The following NKIRAS2 variants were observed in gnomAD, a reference collection of about 807,000 sequenced individuals.
NKIRAS2 encodes NFKB inhibitor interacting Ras like 2.
Under a neutral mutation model 20.7 loss-of-function variants are expected in NKIRAS2, and 15 were observed. The ratio of observed to expected loss-of-function variants is 0.73; its 90% CI spans 0.49 to 1.12. The LOEUF is 1.12. Ranked by LOEUF, NKIRAS2 falls within the 50% of genes most tolerant of loss-of-function variation. NKIRAS2 has a pLI of 0.00. For synonymous variants in NKIRAS2, 116 were observed against 101.4 expected (o/e 1.14, Z -0.87); for missense variants, 196 against 249.6 (o/e 0.79, Z 1.45).
intron 3 of NKIRAS2, chr17:42,023,005 G>A: frequency 3.5e-6 from 1 of 288,988 alleles, no homozygotes; most frequent in South Asian, 3.0e-5. Flanking sequence ...TTGTTTGTTT[G>A]TTTGTTTGTT....
Position 42,023,787 on chromosome 17 carries a change from T to G in NKIRAS2, c.470T>G (p.Leu157Arg), listed in dbSNP as rs782344060. The change falls in exon 4 of 4, where the codon CTC (leucine) becomes CGC (arginine). Residue 157 changes from leucine to arginine, a missense_variant. Transcript: ENST00000393885. ...GTGTCAGTGGCGGACCGGCGCTCCC[T>G]CCTGGAGCCCTTTGTCTACTTGGCC... ...WEVSVADRRS[L>R]LEPFVYLASK... 4.3e-6 allele frequency: 7 copies of G among 1,614,158 alleles called. No individual in the cohort carries two copies. Among genetic ancestry groups the G allele is most frequent in the Non-Finnish European group, 5.9e-6 (7 of 1,180,026 alleles).
upstream of NKIRAS2, among the ~76,000 whole-genome samples, chr17:42,019,479 T>C (rs563969258): frequency 6.6e-6 from 1 of 152,290 alleles, no homozygotes; most frequent in South Asian, 2.1e-4. Flanking sequence ...ACACAAAGCC[T>C]TTGATTATCT....
chr17:42,025,228 C>T lies in NKIRAS2; in HGVS notation c.*1335C>T, dbSNP rs894234022. On this transcript the variant is annotated 3_prime_UTR_variant, in exon 4 of 4. Transcript: ENST00000393885. The stretch of plus-strand genomic sequence containing the variant: ...GAGCTGGACTTCTATTTATAAGTTA[C>T]CTGTATTTATATTTATATGCCCGCT... 1.3e-5 allele frequency: 2 copies of T among 152,578 alleles called. No individual in the cohort carries two copies. The highest frequency in any genetic ancestry group is 4.8e-5 in the African/African-American group (2 of 41,446). 9.5% of individuals were successfully genotyped at this position (152,578 alleles called of 1,614,324 possible).
chr17:42,020,472 A>C (rs370836794), intron 1 of NKIRAS2: 2 of 136,794 alleles, frequency 1.5e-5, no homozygotes, highest in African/African-American at 5.6e-5. Context: ...TCTGGGGGGG[A>C]TCTTTGTCTG....
intron 2 of NKIRAS2, 114 bp downstream of exon 2, chr17:42,021,785 G>A: frequency 1.0e-6 from 1 of 952,762 alleles, no homozygotes; most frequent in East Asian, 2.4e-5. Flanking sequence ...CCCCCTGGAA[G>A]AATAAAACTT....
At chr17:42,020,655 CTT>C (rs1173444622) in intron 1 of NKIRAS2, 1 of 152,194 alleles carries the variant, frequency 6.6e-6, no homozygotes, top group South Asian at 2.1e-4. Context: ...TCTTTTCTCT[CTT>C]GTCTTATGTT....
upstream of NKIRAS2, chr17:42,018,314 A>C (rs1307140387): frequency 6.6e-6 from 1 of 152,164 alleles, no homozygotes; most frequent in Admixed American, 6.5e-5. Flanking sequence ...CCAAACGACT[A>C]TTTGTGGAGC....
At position 42,023,707 on chromosome 17, in the gene NKIRAS2, A is replaced by G. The variant is rs1045563402; in HGVS notation, c.390A>G (p.Val130=). Residue 130 remains valine, a synonymous_variant, in exon 4 of 4, where the codon GTA becomes GTG. Coordinates refer to ENST00000393885, the MANE Select transcript of NKIRAS2 (RefSeq NM_017595.6). ...GTGACTTACAGGAGCAGCGGCGTGTAGACCCAGATGTGGCTCAGCACTGGG... is the reference window on the plus strand; with the variant it reads ...GTGACTTACAGGAGCAGCGGCGTGTGGACCCAGATGTGGCTCAGCACTGGG... ...NKCDLQEQRR[V]DPDVAQHWAK... The G allele has an allele frequency of 1.9e-6, 3 of 1,614,160 alleles. No homozygotes were observed. Among genetic ancestry groups the G allele is most frequent in the Non-Finnish European group, 2.5e-6 (3 of 1,180,026 alleles).
intron 1 of NKIRAS2, chr17:42,020,840 A>AT (rs1245483246): frequency 1.3e-5 from 2 of 152,252 alleles, no homozygotes; most frequent in African/African-American, 4.8e-5. Context: ...GATTCAAGCG[A>AT]TTCTCCTGCC....
chr17:42,022,357 ATC>A (rs782320086), intron 2 of NKIRAS2, 40 bp from the exon 3 acceptor site: 37 of 1,535,676 alleles, frequency 2.4e-5, no homozygotes, highest in Admixed American at 1.4e-4. Context: ...CACATTTCCC[ATC>A]TCTCTCTCCA....
At chr17:42,017,579 T>C (rs1371894648), upstream of NKIRAS2, 12 of 874,212 alleles carry the variant, frequency 1.4e-5, no homozygotes, top group Non-Finnish European at 2.0e-5. Context: ...CGCCCCCGGA[T>C]GTCCACGGTG....
intron 1 of NKIRAS2, chr17:42,021,349 C>T (rs1453177729): frequency 9.7e-6 from 5 of 512,948 alleles, no homozygotes; most frequent in South Asian, 4.5e-5. Flanking sequence ...TGGAGACATC[C>T]GTTTCCTCTG....
At chr17:42,022,907 T>C (rs573228776) in intron 3 of NKIRAS2, 8 of 404,714 alleles carry the variant, frequency 2.0e-5, no homozygotes, top group Non-Finnish European at 3.2e-5. Context: ...ACTGACCTAA[T>C]GTATGAAGCC....
intron 3 of NKIRAS2, chr17:42,022,879 T>C: frequency 2.2e-6 from 1 of 456,018 alleles, no homozygotes; most frequent in African/African-American, 1.9e-5. Context: ...AAGCCCCCAT[T>C]TAGTTGTTGA....
At chr17:42,018,431 G>A (rs1300933721), upstream of NKIRAS2, 2 of 152,158 alleles carry the variant, frequency 1.3e-5, no homozygotes, top group Non-Finnish European at 1.5e-5. Context: ...ATTTTAAAAG[G>A]ATTTACCTGT....
chr17:42,021,035 C>G (rs1301928194), intron 1 of NKIRAS2: 1 of 156,696 alleles, frequency 6.4e-6, no homozygotes, highest in African/African-American at 2.4e-5. Flanking sequence ...GTGCCCTGCC[C>G]CAGATTATCC....
Position 42,021,713 on chromosome 17 carries a change from AAAAT to A in NKIRAS2, c.94+45_94+48del, listed in dbSNP as rs1375385811. On this transcript the variant is annotated intron_variant, in intron 2 of 3. Transcript: ENST00000393885. ...GGGGAGGAACAGTGGAAGAAGTTGA[AAAAT>A]AAGGAATAGGACTTGATCACAACAC... The A allele has an allele frequency of 9.0e-6, 14 of 1,550,958 alleles. No individual in the cohort carries two copies. In the Admixed American group the frequency reaches 2.3e-4, roughly 26 times the overall value.
rs1307954385 is a variant in NKIRAS2 at position 42,024,569 on chromosome 17, T to G, written c.*676T>G. The G allele has an allele frequency of 1.3e-5, 2 of 152,370 alleles. No homozygotes were observed. Among genetic ancestry groups the G allele is most frequent in the African/African-American group, 4.8e-5 (2 of 41,392 alleles). The allele number at this position is 152,370 out of a possible 1,614,324, so 9.4% of individuals were successfully genotyped here. A position where few individuals can be genotyped will look rare whatever the true frequency, so the allele number is the denominator to read the frequency against. ...GGGTCGATTACTTGAGGTCAGGAGT[T>G]CACGACCAGCCTGGCCAACATTGTG... On this transcript the variant is annotated 3_prime_UTR_variant, in exon 4 of 4. Transcript: ENST00000393885.
Position 42,023,699 on chromosome 17 carries a change from C to A in NKIRAS2, c.382C>A (p.Arg128=). ...LGNKCDLQEQ[R]RVDPDVAQHW... ...CAACAAGTGTGACTTACAGGAGCAGCGGCGTGTAGACCCAGATGTGGCTCA... is the reference window on the plus strand; with the variant it reads ...CAACAAGTGTGACTTACAGGAGCAGAGGCGTGTAGACCCAGATGTGGCTCA... Residue 128 remains arginine, a synonymous_variant, in exon 4 of 4, where the codon CGG becomes AGG. Coordinates refer to ENST00000393885, the MANE Select transcript of NKIRAS2 (RefSeq NM_017595.6). 6.2e-7 allele frequency: 1 copy of A among 1,614,156 alleles called. No individual in the cohort carries two copies. The highest frequency in any genetic ancestry group is 8.5e-7 in the Non-Finnish European group (1 of 1,180,032).
Sources: gnomAD v4.1 joint callset for allele counts (sites outside exome capture counted in the v4.1 genomes callset) on GRCh38, gnomAD v4.1.1 for gene constraint, MANE v1.5 for transcripts, NCBI Gene and HGNC (gene_info 2026-07-23, HGNC 2026-07-21) for gene names.